Variants in PCDHA4 observed in about 807,000 individuals in gnomAD.
The protein encoded by PCDHA4 is protocadherin alpha 4, also known as protocadherin alpha-4.
Under a neutral mutation model 61.4 loss-of-function variants are expected in PCDHA4, and 49 were observed. That is an observed-to-expected ratio of 0.80 (90% CI 0.63 to 1.01). The LOEUF is 1.01. Among genes scored for constraint, PCDHA4 ranks in the 50% least tolerant of loss-of-function variants. PCDHA4 has a pLI of 0.00. For synonymous variants in PCDHA4, 590 were observed against 550.3 expected, an observed-to-expected ratio of 1.07 and a Z score of -1.01; for missense variants, 1,254 against 1,235.8, an observed-to-expected ratio of 1.01 and a Z score of -0.22.
At chr5:140,920,609 G>C (rs1319890021) in intron 1 of PCDHA4, among the ~76,000 whole-genome samples, 1 of 152,160 alleles carries the variant, frequency 6.6e-6, no homozygotes. Flanking sequence ...ACTTTGGGAG[G>C]CCGAGGCGGA....
At position 140,842,965 on chromosome 5, in the gene PCDHA4, C is replaced by A. The variant is rs2150348785; in HGVS notation, c.2385+33393C>A. 5 of 1,594,984 alleles carry A rather than the reference C, an allele frequency of 3.1e-6. 1 individual carries two copies. Among genetic ancestry groups the A allele is most frequent in the East Asian group, 4.5e-5 (2 of 44,816 alleles). On this transcript the variant is annotated intron_variant, in intron 1 of 3. Transcript: ENST00000530339. Reference sequence around the variant, plus strand: ...CGGGCGTGCCGCCTCTGGGCAGCAACGTGACGCTGCAGGTGTTCGTGCTGG... The same window carrying A: ...CGGGCGTGCCGCCTCTGGGCAGCAAAGTGACGCTGCAGGTGTTCGTGCTGG...
intron 1 of PCDHA4, among the ~76,000 whole-genome samples, chr5:140,923,958 T>C (rs1447655640): frequency 1.3e-5 from 2 of 152,216 alleles, no homozygotes; most frequent in Admixed American, 6.5e-5. Context: ...CACGCCCTAA[T>C]CTATACCCAC....
rs138893413 is a variant in PCDHA4, at chr5:140,976,899, T to C, written c.2386-2050T>C. Among the ~76,000 whole-genome samples, 191 of 152,340 alleles carry C rather than the reference T, an allele frequency of 1.3e-3. 1 individual carries two copies. The highest frequency in any genetic ancestry group is 4.3e-3 in the African/African-American group (179 of 41,576). ...AAGAATTAGGATACATGCAACAGTA[T>C]GTAATAAAGTGCAAAATCTAGTACT... On this transcript the variant is annotated intron_variant, in intron 1 of 3. Transcript: ENST00000530339.
chr5:141,003,057 TCCA>T (rs2098109750), intron 3 of PCDHA4, among the ~76,000 whole-genome samples: 1 of 152,194 alleles, frequency 6.6e-6, no homozygotes, highest in African/African-American at 2.4e-5. Context: ...ACAGAACAGT[TCCA>T]AATGCAGATG....
intron 1 of PCDHA4, chr5:140,836,388 CTGG>C (rs2150259594): frequency 6.8e-6 from 11 of 1,613,628 alleles, no homozygotes; most frequent in Non-Finnish European, 9.3e-6. Context: ...GCTGGTGTCG[CTGG>C]TGGAAAGCGG....
chr5:140,821,655 G>T, intron 1 of PCDHA4: 1 of 1,121,134 alleles, frequency 8.9e-7, no homozygotes, highest in Non-Finnish European at 1.3e-6. Flanking sequence ...TCCATTTTTG[G>T]CTGTGCCAAG....
chr5:140,880,836 A>G (rs1228476405), intron 1 of PCDHA4, among the ~76,000 whole-genome samples: 1 of 152,218 alleles, frequency 6.6e-6, no homozygotes, highest in Non-Finnish European at 1.5e-5. Context: ...GCATATTTTA[A>G]ATGGTTGACT....
At chr5:140,883,041 G>A (rs2059417348) in intron 1 of PCDHA4, 1 of 1,613,960 alleles carries the variant, frequency 6.2e-7, no homozygotes, top group African/African-American at 1.3e-5. Context: ...GCCTTCAATG[G>A]AACATTAGTG....
chr5:140,850,803 A>C, intron 1 of PCDHA4: 1 of 1,598,380 alleles, frequency 6.3e-7, no homozygotes, highest in African/African-American at 1.3e-5. Flanking sequence ...GACCGACCTC[A>C]TGGCCTTCAG....
At chr5:140,925,866 G>A (rs952823745) in intron 1 of PCDHA4, among the ~76,000 whole-genome samples, 2 of 152,002 alleles carry the variant, frequency 1.3e-5, no homozygotes, top group Admixed American at 1.3e-4. Flanking sequence ...TATTGCTATT[G>A]ACTGGTTTAT....
chr5:140,961,715 A>G (rs1363525264), intron 1 of PCDHA4, among the ~76,000 whole-genome samples: 2 of 152,160 alleles, frequency 1.3e-5, no homozygotes, highest in Non-Finnish European at 2.9e-5. Flanking sequence ...TTCATTTCTA[A>G]GTGCTCATAA....
At chr5:140,876,991 T>C in intron 1 of PCDHA4, 1 of 1,612,564 alleles carries the variant, frequency 6.2e-7, no homozygotes, top group Non-Finnish European at 8.5e-7. Flanking sequence ...ACTGTCGAGC[T>C]ACGTGTCGGT....
At chr5:140,870,534 G>C (rs547039725) in intron 1 of PCDHA4, 2 of 1,614,032 alleles carry the variant, frequency 1.2e-6, no homozygotes, top group Non-Finnish European at 1.7e-6. Flanking sequence ...TCACAGTGTC[G>C]GCGCGGGACG....
intron 1 of PCDHA4, among the ~76,000 whole-genome samples, chr5:140,914,169 G>A (rs997751296): frequency 1.1e-4 from 17 of 152,140 alleles, no homozygotes; most frequent in Admixed American, 6.5e-5. Context: ...GGAAAGTGGG[G>A]TGTTGAATTC....
Position 140,836,095 on chromosome 5 carries a change from G to A in PCDHA4, c.2385+26523G>A, listed in dbSNP as rs2150252666. ...CCGGCACTGCTGGCGCCTCGGGTGG[G>A]TGGCACTGGTGGCGCAGTGAGAGAG... On this transcript the variant is annotated intron_variant, in intron 1 of 3. Transcript: ENST00000530339. 1.9e-5 allele frequency: 30 copies of A among 1,613,576 alleles called. 1 individual carries two copies. The highest frequency in any genetic ancestry group is 3.3e-4 in the Middle Eastern group (2 of 6,084).
intron 1 of PCDHA4, among the ~76,000 whole-genome samples, chr5:140,888,270 GT>G (rs2061763105): frequency 6.6e-6 from 1 of 152,102 alleles, no homozygotes; most frequent in Non-Finnish European, 1.5e-5. Context: ...ATAAGAAACA[GT>G]TTTGTCCCCT....
At chr5:140,868,281 T>G (rs2050378347) in intron 1 of PCDHA4, 1 of 152,066 alleles carries the variant, frequency 6.6e-6, no homozygotes, top group Non-Finnish European at 1.5e-5. Flanking sequence ...AACTACCAAG[T>G]TTGAGAATAT....
At chr5:140,980,173 G>GA (rs2096879198) in intron 2 of PCDHA4, among the ~76,000 whole-genome samples, 1 of 152,162 alleles carries the variant, frequency 6.6e-6, no homozygotes, top group Non-Finnish European at 1.5e-5. Flanking sequence ...GGTATCAGAA[G>GA]AAATTCTTTA....
chr5:141,000,381 CTCTCTCTCTCTCTCTATATA>C (rs2097908619), intron 3 of PCDHA4, among the ~76,000 whole-genome samples: 2 of 61,370 alleles, frequency 3.3e-5, no homozygotes, highest in African/African-American at 7.4e-5. Context: ...CTCTCTCTCT[CTCTCTCTCTCTCTCTATATA>C]TATATATATA....
Sources: allele counts gnomAD v4.1 joint callset (sites outside exome capture counted in the v4.1 genomes callset), GRCh38; gene constraint gnomAD v4.1.1; transcripts MANE v1.5; gene names NCBI Gene and HGNC (gene_info 2026-07-23, HGNC 2026-07-21).